LYZL1: variants seen among roughly 807,000 people sequenced by gnomAD.
LYZL1 encodes lysozyme like 1.
LYZL1 carries 16 observed loss-of-function variants against 17.9 expected under a neutral mutation model. The ratio of observed to expected loss-of-function variants is 0.90; its 90% CI spans 0.61 to 1.36. The LOEUF (loss-of-function observed/expected upper bound fraction) is 1.36, where lower values mean the gene tolerates loss of function less well. Ranked by LOEUF, LYZL1 falls within the 40% of genes most tolerant of loss-of-function variation. The probability of loss-of-function intolerance (pLI) is 0.00; values close to 1 mark genes in which losing one functional copy is unlikely to be tolerated. For missense variants in LYZL1, 149 were observed against 188.4 expected, an observed-to-expected ratio of 0.79 and a Z score of 1.22; for synonymous variants, 58 against 71.8, an observed-to-expected ratio of 0.81 and a Z score of 0.97.
chr10:29,299,419 T>C (rs1005297025), intron 3 of LYZL1, among the ~76,000 whole-genome samples: 1 of 152,240 alleles, frequency 6.6e-6, no homozygotes, highest in African/African-American at 2.4e-5. Flanking sequence ...ATGTGTATTT[T>C]ATATTTGGTG....
chr10:29,292,059 T>A, intron 2 of LYZL1, 53 bp downstream of exon 2: 1 of 1,524,744 alleles, frequency 6.6e-7, no homozygotes, highest in South Asian at 1.2e-5. Context: ...TCCCCTGAGA[T>A]GTTGAAGGTC....
chr10:29,295,955 T>C (rs4111103), intron 3 of LYZL1, among the ~76,000 whole-genome samples: 47,091 of 151,984 alleles, frequency 0.31, 8,535 homozygotes, highest in East Asian at 0.53. Flanking sequence ...AGCAAGGAAA[T>C]GGATCTTCCT....
At chr10:29,298,058 G>T (rs1564390623) in intron 3 of LYZL1, among the ~76,000 whole-genome samples, 1 of 152,146 alleles carries the variant, frequency 6.6e-6, no homozygotes, top group African/African-American at 2.4e-5. Flanking sequence ...TTTACCTCCT[G>T]TATCATAAAG....
chr10:29,293,833 G>A (rs1835410656), intron 3 of LYZL1, among the ~76,000 whole-genome samples: 1 of 152,010 alleles, frequency 6.6e-6, no homozygotes, highest in South Asian at 2.1e-4. Context: ...AATTAGCTGG[G>A]CACGGTGGTA....
At chr10:29,295,362 T>C (rs7100574) in intron 3 of LYZL1, among the ~76,000 whole-genome samples, 61,172 of 152,140 alleles carry the variant, frequency 0.4, 12,973 homozygotes, top group East Asian at 0.6. Flanking sequence ...CTCTCATCTC[T>C]GGTTTCTTAT....
At chr10:29,312,388 T>G (rs569657237), downstream of LYZL1, among the ~76,000 whole-genome samples, 119 of 151,972 alleles carry the variant, frequency 7.8e-4, no homozygotes, top group African/African-American at 1.6e-3. Context: ...TTTTTTTTTT[T>G]TGTGATTTCT....
chr10:29,314,443 A>G (rs181832655), downstream of LYZL1, among the ~76,000 whole-genome samples: 1,189 of 152,300 alleles, frequency 7.8e-3, 34 homozygotes, highest in Admixed American at 0.056. Flanking sequence ...GTGAGACCCC[A>G]TGTCTACAAA....
chr10:29,291,219 C>T (rs1835360766), intron 1 of LYZL1, among the ~76,000 whole-genome samples: 1 of 152,182 alleles, frequency 6.6e-6, no homozygotes, highest in African/African-American at 2.4e-5. Flanking sequence ...TCTATGTCTT[C>T]TGTACTGGAT....
intron 3 of LYZL1, among the ~76,000 whole-genome samples, chr10:29,298,918 CA>C (rs1835481069): frequency 1.3e-5 from 2 of 152,282 alleles, no homozygotes; most frequent in Admixed American, 1.3e-4. Flanking sequence ...TTTCTATTAT[CA>C]TTACATTGTA....
In LYZL1 at chr10:29,292,622, G is replaced by A. The variant is rs771179887; in HGVS notation, c.243G>A (p.Ala81=). Residue 81 remains alanine (A), a synonymous_variant, in exon 3 of 5, where the codon GCG becomes GCA. Transcript: ENST00000649382. ...DYGIFQINSF[A]WCRRGKLKEN... is the part of the protein sequence containing the mutation. ...GCATCTTCCAGATCAACAGCTTCGCGTGGTGCAGACGCGGAAAGCTGAAGG... is the reference window on the plus strand; with the variant it reads ...GCATCTTCCAGATCAACAGCTTCGCATGGTGCAGACGCGGAAAGCTGAAGG... 2.9e-5 allele frequency: 47 copies of A among 1,614,140 alleles called. No individual in the cohort carries two copies. Among genetic ancestry groups the A allele is most frequent in the African/African-American group, 2.3e-4 (17 of 74,954 alleles).
downstream of LYZL1, among the ~76,000 whole-genome samples, chr10:29,311,554 A>G (rs536446429): frequency 6.6e-6 from 1 of 152,322 alleles, no homozygotes; most frequent in South Asian, 2.1e-4. Context: ...ACACGCACGC[A>G]AGAGACGCAG....
chr10:29,309,338 A>G (rs575482813), intron 3 of LYZL1, among the ~76,000 whole-genome samples: 3 of 152,170 alleles, frequency 2.0e-5, no homozygotes, highest in Admixed American at 2.0e-4. Flanking sequence ...CACAAAAACA[A>G]AAACAAAAAC....
chr10:29,314,046 C>T (rs1588665627), downstream of LYZL1, among the ~76,000 whole-genome samples: 1 of 152,158 alleles, frequency 6.6e-6, no homozygotes, highest in East Asian at 1.9e-4. Context: ...CTGTGATTTT[C>T]CCTTGATGCC....
chr10:29,310,628 C>A (rs1207429777), intron 4 of LYZL1, among the ~76,000 whole-genome samples: 1 of 152,170 alleles, frequency 6.6e-6, no homozygotes, highest in Non-Finnish European at 1.5e-5. Context: ...CATGGCGACT[C>A]AGCAGAAAGC....
intron 3 of LYZL1, among the ~76,000 whole-genome samples, chr10:29,305,672 A>T (rs1308274040): frequency 6.6e-6 from 1 of 152,242 alleles, no homozygotes; most frequent in African/African-American, 2.4e-5. Flanking sequence ...TAGAATTGTA[A>T]ACCAAATGCC....
At chr10:29,304,432 G>T (rs1046230259) in intron 3 of LYZL1, among the ~76,000 whole-genome samples, 1 of 152,084 alleles carries the variant, frequency 6.6e-6, no homozygotes, top group African/African-American at 2.4e-5. Flanking sequence ...GAACATCGAG[G>T]GTGTGTGGCT....
intron 3 of LYZL1, among the ~76,000 whole-genome samples, chr10:29,306,806 G>GTGTA (rs1361712188): frequency 7.1e-6 from 1 of 139,878 alleles, no homozygotes; most frequent in African/African-American, 2.8e-5. Context: ...ATGTGTGTGT[G>GTGTA]TGTGTGTGTG....
At chr10:29,295,117 A>G (rs1435759481) in intron 3 of LYZL1, among the ~76,000 whole-genome samples, 1 of 152,198 alleles carries the variant, frequency 6.6e-6, no homozygotes, top group Non-Finnish European at 1.5e-5. Flanking sequence ...ATGTTAAGTT[A>G]CCTAGTATAT....
At position 29,306,378 on chromosome 10, in the gene LYZL1, G is replaced by A. The variant is rs371632400; in HGVS notation, c.299-3732G>A. Reference sequence around the variant, plus strand: ...ATCCCGGCTAAAACGGTGAAACCCCGCCTCTACTAAAAATACAAAAAATTA... The same window carrying A: ...ATCCCGGCTAAAACGGTGAAACCCCACCTCTACTAAAAATACAAAAAATTA... On this transcript the variant is annotated intron_variant, in intron 3 of 4. Coordinates refer to ENST00000649382, the MANE Select transcript of LYZL1 (RefSeq NM_032517.6). 9.2e-4 allele frequency among the ~76,000 whole-genome samples: 132 copies of A among 143,466 alleles called. 5 individuals carry two copies. Among genetic ancestry groups the A allele is most frequent in the African/African-American group, 3.0e-3 (118 of 38,882 alleles). The allele number at this position is 143,466 out of a possible 152,430, so 94.1% of individuals were successfully genotyped here. A position where few individuals can be genotyped will look rare whatever the true frequency, so the allele number is the denominator to read the frequency against.
Sources: gnomAD v4.1 joint callset for allele counts (sites outside exome capture counted in the v4.1 genomes callset) on GRCh38, gnomAD v4.1.1 for gene constraint, MANE v1.5 for transcripts, NCBI Gene and HGNC (gene_info 2026-07-23, HGNC 2026-07-21) for gene names.